Variants in SLC8A1 observed in about 807,000 individuals in gnomAD.
The protein encoded by SLC8A1 is solute carrier family 8 member A1, also known as sodium/calcium exchanger 1.
In SLC8A1, 18 loss-of-function variants were observed where a neutral mutation model predicts 68.3. The ratio of observed to expected loss-of-function variants is 0.26; its 90% confidence interval spans 0.18 to 0.39. The LOEUF is 0.39. SLC8A1 is among the 10% of genes least tolerant of loss of function. The pLI is 1.00. For synonymous variants in SLC8A1, 475 were observed against 415.5 expected (o/e 1.14, Z -1.74); for missense variants, 985 against 1,156.7 (o/e 0.85, Z 2.15).
chr2:40,482,165 C>T (rs1056911659), intron 1 of SLC8A1, among the ~76,000 whole-genome samples: 1 of 152,262 alleles, frequency 6.6e-6, no homozygotes, highest in South Asian at 2.1e-4. Context: ...ACTATAGCTA[C>T]ACCAAGTTTC....
At chr2:40,179,224 C>T (rs896396536) in intron 2 of SLC8A1, among the ~76,000 whole-genome samples, 5 of 152,310 alleles carry the variant, frequency 3.3e-5, no homozygotes, top group African/African-American at 1.2e-4. Context: ...AGGTGCGAGT[C>T]ATGATGTTGT....
intron 2 of SLC8A1, among the ~76,000 whole-genome samples, chr2:40,255,874 TA>T (rs939036914): frequency 8.9e-4 from 135 of 152,232 alleles, no homozygotes; most frequent in African/African-American, 3.1e-3. Context: ...AAACTTCCAC[TA>T]AAAAGATGGA....
intron 2 of SLC8A1, among the ~76,000 whole-genome samples, chr2:40,320,581 C>G (rs1421925566): frequency 6.6e-6 from 1 of 152,076 alleles, no homozygotes; most frequent in Non-Finnish European, 1.5e-5. Flanking sequence ...TAGCTTTCAG[C>G]TATATTAGGT....
rs1249651686 is a variant in SLC8A1 at position 40,289,517 on chromosome 2, T to C, written c.1809-111662A>G. Among the ~76,000 whole-genome samples the C allele has an allele frequency of 4.6e-5, 7 of 152,072 alleles. No homozygotes were observed. The South Asian group carries it at 8.3e-4, about 18-fold the overall frequency. On this transcript the variant is annotated intron_variant, in intron 2 of 7. Transcript: ENST00000406785. ...TCTCCAGACAATCCCATTAAATATA[T>C]ATTGGTTCCCTAGAAAGGTAACAAA...
At chr2:40,142,135 T>C (rs1299626023) in intron 6 of SLC8A1, among the ~76,000 whole-genome samples, 1 of 152,232 alleles carries the variant, frequency 6.6e-6, no homozygotes, top group African/African-American at 2.4e-5. Context: ...TCAGTGTTTC[T>C]ATTACCTACT....
chr2:40,255,778 A>T (rs2063813486), intron 2 of SLC8A1, among the ~76,000 whole-genome samples: 1 of 152,218 alleles, frequency 6.6e-6, no homozygotes, highest in South Asian at 2.1e-4. Flanking sequence ...CATATCTATG[A>T]GGCAAGGCTT....
intron 2 of SLC8A1, among the ~76,000 whole-genome samples, chr2:40,253,918 T>TACAGTTAGCTAAAA (rs2063435715): frequency 1.9e-5 from 2 of 106,942 alleles, no homozygotes; most frequent in African/African-American, 4.2e-5. Context: ...GGTACAAGAA[T>TACAGTTAGCTAAAA]ACAGTTAGCT....
chr2:40,111,485 G>A (rs1344286498), exon 8 of SLC8A1: 1 of 152,048 alleles, frequency 6.6e-6, no homozygotes, highest in African/African-American at 2.4e-5. Context: ...GAATACTAAA[G>A]AAAATTTTAA....
chr2:40,294,833 C>A (rs992377849), intron 2 of SLC8A1, among the ~76,000 whole-genome samples: 1 of 152,040 alleles, frequency 6.6e-6, no homozygotes, highest in African/African-American at 2.4e-5. Context: ...TGTTTCCTAA[C>A]AATTAAAACA....
intron 2 of SLC8A1, among the ~76,000 whole-genome samples, chr2:40,283,515 TAGCACTGAGAAGATTTTCACATACCC>T (rs1334195302): frequency 6.6e-6 from 1 of 152,192 alleles, no homozygotes. Context: ...CAGCTGCCAA[TAGCACTGAGAAGATTTTCACATACCC>T]AGCACTGTTT....
intron 2 of SLC8A1, among the ~76,000 whole-genome samples, chr2:40,402,758 C>T (rs766112299): frequency 1.3e-5 from 2 of 152,188 alleles, no homozygotes; most frequent in African/African-American, 4.8e-5. Flanking sequence ...TGTTTTCCAT[C>T]ACAGGAAAGT....
rs139029999 is a variant in SLC8A1 at position 40,259,433 on chromosome 2, A to T, written c.1809-81578T>A. Among the ~76,000 whole-genome samples, 897 of 152,152 alleles carry T rather than the reference A, an allele frequency of 5.9e-3. 14 individuals are homozygous for T. The highest frequency in any genetic ancestry group is 0.02 in the African/African-American group (842 of 41,516). ...TTTTAATCCCATTTCTTTCTATCCC[A>T]TTGCCAGAGCTCTTTCCCATTGCTT... On this transcript the variant is annotated intron_variant, in intron 2 of 7. Transcript: ENST00000406785.
At chr2:40,322,815 T>C (rs899070990) in intron 2 of SLC8A1, among the ~76,000 whole-genome samples, 1 of 145,524 alleles carries the variant, frequency 6.9e-6, no homozygotes, top group Non-Finnish European at 1.5e-5. Flanking sequence ...CCACCATTTA[T>C]TGGGTAACAC....
In SLC8A1 at chr2:40,413,441, A is replaced by T. The variant is rs530681866; in HGVS notation, c.1808+15032T>A. On this transcript the variant is annotated intron_variant, in intron 2 of 7. Coordinates refer to ENST00000406785, the Ensembl canonical transcript of SLC8A1. ...GCAGCCATAAAAAAATGATGAGTTCATGTCCTTTGTAGGGACATGGATGAA... is the reference window on the plus strand; with the variant it reads ...GCAGCCATAAAAAAATGATGAGTTCTTGTCCTTTGTAGGGACATGGATGAA... Among the ~76,000 whole-genome samples the T allele has an allele frequency of 9.2e-5, 14 of 152,330 alleles. No homozygotes were observed. In the South Asian group the frequency reaches 2.9e-3, roughly 32 times the overall value.
At chr2:40,273,255 T>C (rs2066277511) in intron 2 of SLC8A1, among the ~76,000 whole-genome samples, 1 of 151,428 alleles carries the variant, frequency 6.6e-6, no homozygotes. Context: ...AAATACTCTT[T>C]TTTTTTTTTG....
chr2:40,264,112 C>G (rs532625779), intron 2 of SLC8A1, among the ~76,000 whole-genome samples: 1,802 of 152,218 alleles, frequency 0.012, 16 homozygotes, highest in Middle Eastern at 0.075. Context: ...CTCATCATCA[C>G]TGGCCATCAG....
At chr2:40,416,701 G>A (rs1693995703) in intron 2 of SLC8A1, among the ~76,000 whole-genome samples, 2 of 152,082 alleles carry the variant, frequency 1.3e-5, no homozygotes, top group Admixed American at 6.5e-5. Context: ...AACCAGACCA[G>A]TAGCCTAATG....
intron 1 of SLC8A1, among the ~76,000 whole-genome samples, chr2:40,464,757 T>G (rs912281316): frequency 3.9e-5 from 6 of 152,056 alleles, no homozygotes; most frequent in African/African-American, 1.2e-4. Flanking sequence ...GTATTTTGAG[T>G]GAGGCCACCA....
At chr2:40,331,225 A>C (rs928777192) in intron 2 of SLC8A1, among the ~76,000 whole-genome samples, 4 of 152,216 alleles carry the variant, frequency 2.6e-5, no homozygotes, top group Admixed American at 2.6e-4. Context: ...CACATAATAC[A>C]TTATCAATAA....
Sources: gnomAD v4.1 joint callset for allele counts (sites outside exome capture counted in the v4.1 genomes callset) on GRCh38, gnomAD v4.1.1 for gene constraint, MANE v1.5 for transcripts, NCBI Gene and HGNC (gene_info 2026-07-23, HGNC 2026-07-21) for gene names.